HADHB: variants seen among roughly 807,000 people sequenced by gnomAD.
HADHB encodes hydroxyacyl-CoA dehydrogenase trifunctional multienzyme complex subunit beta.
A neutral mutation model predicts 61.9 loss-of-function variants in HADHB; 50 were observed. That is an observed-to-expected ratio of 0.81 (90% CI 0.64 to 1.02). The LOEUF (loss-of-function observed/expected upper bound fraction) is 1.02. Ranked by LOEUF, HADHB falls within the 50% of genes least tolerant of loss-of-function variation. The pLI is 0.00. For missense variants in HADHB, 504 were observed against 586.5 expected (o/e 0.86, Z 1.45); for synonymous variants, 191 against 201.6 (o/e 0.95, Z 0.45).
rs72849977 is a variant in HADHB at position 26,261,500 on chromosome 2, C to T, written c.110-1880C>T. The stretch of plus-strand genomic sequence containing the variant: ...TAGCGAGTTTAAAAATGAGGCCAGG[C>T]GCAGTGCCTTATGCCGGTAATCCCA... On this transcript the variant is annotated intron_variant, in intron 3 of 15. Coordinates refer to ENST00000317799, the MANE Select transcript of HADHB (RefSeq NM_000183.3). 6.1e-3 allele frequency: 970 copies of T among 159,348 alleles called. 8 individuals carry two copies. The highest frequency in any genetic ancestry group is 0.022 in the African/African-American group (899 of 41,644). The allele number at this position is 159,348 out of a possible 1,614,324, so 9.9% of individuals were successfully genotyped here. A position where few individuals can be genotyped will look rare whatever the true frequency, so the allele number is the denominator to read the frequency against.
chr2:26,253,800 C>T (rs1393819354), intron 1 of HADHB, among the ~76,000 whole-genome samples: 1 of 151,490 alleles, frequency 6.6e-6, no homozygotes, highest in Non-Finnish European at 1.5e-5. Context: ...TTGCAGTGAA[C>T]CGAGATTGCA....
intron 15 of HADHB, 71 bp downstream of exon 15, chr2:26,285,642 G>T: frequency 2.0e-5 from 21 of 1,063,616 alleles, no homozygotes; most frequent in Middle Eastern, 2.4e-4. Flanking sequence ...GTATGATTTA[G>T]TTTGAAACCT....
intron 15 of HADHB, among the ~76,000 whole-genome samples, chr2:26,288,710 A>G (rs1673143889): frequency 1.3e-5 from 2 of 152,014 alleles, no homozygotes; most frequent in African/African-American, 2.4e-5. Context: ...CCCTGTTTCA[A>G]AAAAAACAGA....
Position 26,290,005 on chromosome 2 carries a change from A to G in HADHB, c.*52A>G, listed in dbSNP as rs183649494. ...TTCTGTGCAACACTCACACTAGGCA[A>G]TGCCATTTCAATGCATTACTAAATG... On this transcript the variant is annotated 3_prime_UTR_variant, in exon 16 of 16. Transcript: ENST00000317799. The G allele has an allele frequency of 5.6e-4, 674 of 1,209,528 alleles. 8 individuals are homozygous for G. The East Asian group carries it at 0.014, about 25-fold the overall frequency. 74.9% of individuals were successfully genotyped at this position (1,209,528 alleles called of 1,614,324 possible).
intron 5 of HADHB, among the ~76,000 whole-genome samples, chr2:26,271,017 T>G (rs1248254746): frequency 6.6e-6 from 1 of 151,526 alleles, no homozygotes; most frequent in Non-Finnish European, 1.5e-5. Flanking sequence ...TACCTGGGAC[T>G]ACAGGCGCCT....
chr2:26,248,412 G>A (rs1317468413), intron 1 of HADHB, among the ~76,000 whole-genome samples: 2 of 150,740 alleles, frequency 1.3e-5, no homozygotes, highest in Admixed American at 6.6e-5. Flanking sequence ...ACGGAGTCTC[G>A]TTCTGTCTCC....
intron 10 of HADHB, 28 bp downstream of exon 10, chr2:26,280,143 T>C: frequency 1.9e-6 from 3 of 1,585,686 alleles, no homozygotes; most frequent in Non-Finnish European, 2.6e-6. Context: ...TTGTATTTAG[T>C]AGTGACTTTT....
chr2:26,288,198 G>C (rs1260821801), intron 15 of HADHB, among the ~76,000 whole-genome samples: 1 of 152,164 alleles, frequency 6.6e-6, no homozygotes, highest in Non-Finnish European at 1.5e-5. Flanking sequence ...CCGGGATGTT[G>C]AGGCTGTAGT....
intron 4 of HADHB, among the ~76,000 whole-genome samples, chr2:26,267,964 C>G (rs1672167242): frequency 6.6e-6 from 1 of 151,770 alleles, no homozygotes; most frequent in Non-Finnish European, 1.5e-5. Context: ...AAGTGAGACT[C>G]CATCTCTGCA....
At chr2:26,260,346 C>T (rs548592133) in intron 3 of HADHB, among the ~76,000 whole-genome samples, 34 of 152,116 alleles carry the variant, frequency 2.2e-4, no homozygotes, top group South Asian at 8.3e-4. Context: ...CCTCCCAAAG[C>T]GGTGAGATTA....
rs1673214495 is a variant in HADHB, at chr2:26,290,212, G to T, written c.*259G>T. 3 of 531,834 alleles carry T rather than the reference G, an allele frequency of 5.6e-6. No homozygotes were observed. Among genetic ancestry groups the T allele is most frequent in the Non-Finnish European group, 1.0e-5 (3 of 294,874 alleles). 32.9% of individuals were successfully genotyped at this position (531,834 alleles called of 1,614,324 possible). ...TGGGTGGTTGTTTTTGGTCTCTGTT[G>T]TCACTAAAGACTAAATGAGGGTTTG... On this transcript the variant is annotated 3_prime_UTR_variant, in exon 16 of 16. Coordinates refer to ENST00000317799, the MANE Select transcript of HADHB (RefSeq NM_000183.3).
intron 1 of HADHB, among the ~76,000 whole-genome samples, chr2:26,251,881 G>C (rs375539475): frequency 6.6e-6 from 1 of 152,160 alleles, no homozygotes; most frequent in Admixed American, 6.6e-5. Context: ...GCCAAATGTA[G>C]CAGTTTAAAA....
chr2:26,263,436 G>A lies in HADHB; in HGVS notation c.166G>A (p.Val56Met), dbSNP rs1342180324. Reference sequence around the variant, plus strand: ...CAAACCCAATATAAGGAATGTTGTGGTGGTGGATGGTGTTCGCACTCCATT... The same window carrying A: ...CAAACCCAATATAAGGAATGTTGTGATGGTGGATGGTGTTCGCACTCCATT... ...LAKPNIRNVVVVDGVRTPFLL... is the reference protein window; with the variant it reads ...LAKPNIRNVVMVDGVRTPFLL... Residue 56 changes from valine (V) to methionine (M), a missense_variant, in exon 4 of 16, where the codon GTG becomes ATG. By Grantham distance (21) the Val-to-Met change is conservative. Transcript: ENST00000317799. 8 of 1,613,146 alleles carry A rather than the reference G, an allele frequency of 5.0e-6. No individual in the cohort carries two copies. Among genetic ancestry groups the A allele is most frequent in the Middle Eastern group, 1.7e-4 (1 of 6,030 alleles).
chr2:26,268,148 T>C (rs1672175780), intron 4 of HADHB, among the ~76,000 whole-genome samples: 1 of 151,646 alleles, frequency 6.6e-6, no homozygotes, highest in Non-Finnish European at 1.5e-5. Flanking sequence ...TCTCAAAAAA[T>C]AAAAATAAAT....
intron 1 of HADHB, among the ~76,000 whole-genome samples, chr2:26,252,856 T>G (rs533541838): frequency 1.3e-5 from 2 of 152,350 alleles, no homozygotes; most frequent in Non-Finnish European, 2.9e-5. Context: ...AACATTAGTT[T>G]CAGTTATAGT....
chr2:26,259,263 G>A (rs2147805935), intron 3 of HADHB, among the ~76,000 whole-genome samples: 1 of 152,330 alleles, frequency 6.6e-6, no homozygotes, highest in South Asian at 2.1e-4. Context: ...ACACAGGTAT[G>A]CAGTGTAAGA....
At position 26,253,869 on chromosome 2, in the gene HADHB, T is replaced by A. The variant is rs796791346; in HGVS notation, c.-8-378T>A. Among the ~76,000 whole-genome samples, 646 of 131,986 alleles carry A rather than the reference T, an allele frequency of 4.9e-3. 4 individuals are homozygous for A. The highest frequency in any genetic ancestry group is 0.014 in the African/African-American group (534 of 39,232). The allele number at this position is 131,986 out of a possible 152,430, so 86.6% of individuals were successfully genotyped here. ...ACTCCATCTCAAAAAAATAAATAAA[T>A]AAATAAATAAATAAATAAATAAATA... On this transcript the variant is annotated intron_variant, in intron 1 of 15. Transcript: ENST00000317799.
intron 1 of HADHB, among the ~76,000 whole-genome samples, chr2:26,250,368 CAT>C (rs1441720299): frequency 6.6e-6 from 1 of 152,098 alleles, no homozygotes; most frequent in Non-Finnish European, 1.5e-5. Flanking sequence ...TTCTGTTTTA[CAT>C]GTTACAAATA....
At chr2:26,282,317 C>T (rs554843294) in intron 10 of HADHB, among the ~76,000 whole-genome samples, 12 of 146,776 alleles carry the variant, frequency 8.2e-5, no homozygotes, top group Admixed American at 6.2e-4. Context: ...TGCAGTGGCA[C>T]GATCTCAGCT....
Sources: gnomAD v4.1 joint callset for allele counts (sites outside exome capture counted in the v4.1 genomes callset) on GRCh38, gnomAD v4.1.1 for gene constraint, MANE v1.5 for transcripts, NCBI Gene and HGNC (gene_info 2026-07-23, HGNC 2026-07-21) for gene names.